The following GRM8 variants were observed in gnomAD, a reference collection of about 807,000 sequenced individuals.
GRM8 encodes the protein metabotropic glutamate receptor 8.
GRM8 carries 47 observed loss-of-function variants against 87.2 expected under a neutral mutation model. The ratio of observed to expected loss-of-function variants is 0.54; its 90% CI spans 0.43 to 0.69. The LOEUF is 0.69. Ranked by LOEUF, GRM8 falls within the 30% of genes least tolerant of loss-of-function variation. The pLI, the probability that GRM8 is intolerant of heterozygous loss-of-function variation, is 0.00. For synonymous variants in GRM8, 396 were observed against 404.5 expected, an observed-to-expected ratio of 0.98 and a Z score of 0.25; for missense variants, 1,019 against 1,139.2, an observed-to-expected ratio of 0.89 and a Z score of 1.52.
At chr7:127,100,685 T>A (rs1287688417) in intron 3 of GRM8, among the ~76,000 whole-genome samples, 1 of 152,142 alleles carries the variant, frequency 6.6e-6, no homozygotes, top group Non-Finnish European at 1.5e-5. Context: ...TATTAAACCA[T>A]CAGACCTCAT....
chr7:126,467,753 A>G (rs1804674933), intron 9 of GRM8, among the ~76,000 whole-genome samples: 1 of 152,064 alleles, frequency 6.6e-6, no homozygotes, highest in Non-Finnish European at 1.5e-5. Context: ...TGTATTCTGA[A>G]AACAAAATCA....
At chr7:126,739,373 A>C (rs1474609656) in intron 7 of GRM8, among the ~76,000 whole-genome samples, 3 of 151,880 alleles carry the variant, frequency 2.0e-5, no homozygotes, top group Admixed American at 2.0e-4. Context: ...AATCACCTTG[A>C]GATTCCATCC....
At chr7:126,580,454 T>A (rs892974926) in intron 8 of GRM8, among the ~76,000 whole-genome samples, 4 of 152,128 alleles carry the variant, frequency 2.6e-5, no homozygotes, top group Admixed American at 6.6e-5. Flanking sequence ...AAGGCTTTCT[T>A]CTTTTTCCTA....
intron 3 of GRM8, among the ~76,000 whole-genome samples, chr7:127,097,131 G>T (rs532115712): frequency 6.6e-6 from 1 of 152,230 alleles, no homozygotes; most frequent in Non-Finnish European, 1.5e-5. Flanking sequence ...AAGATTGACA[G>T]AGAAATCAGC....
chr7:127,015,000 G>GA (rs760439568), intron 3 of GRM8, among the ~76,000 whole-genome samples: 3 of 81,788 alleles, frequency 3.7e-5, no homozygotes, highest in African/African-American at 5.0e-5. Flanking sequence ...AGAAGAAGAA[G>GA]AAAGAAGAAG....
intron 7 of GRM8, among the ~76,000 whole-genome samples, chr7:126,704,905 C>T (rs1810333910): frequency 6.6e-6 from 1 of 152,102 alleles, no homozygotes; most frequent in Non-Finnish European, 1.5e-5. Flanking sequence ...CCTCCATTTG[C>T]CTTGTGATAG....
chr7:127,122,947 T>C (rs1216325690), intron 2 of GRM8, among the ~76,000 whole-genome samples: 1 of 151,972 alleles, frequency 6.6e-6, no homozygotes, highest in Non-Finnish European at 1.5e-5. Flanking sequence ...GAGAAGGCAG[T>C]GTGGCTTGAG....
At chr7:126,729,383 G>A (rs1038119994) in intron 7 of GRM8, among the ~76,000 whole-genome samples, 1 of 152,196 alleles carries the variant, frequency 6.6e-6, no homozygotes, top group African/African-American at 2.4e-5. Context: ...ACTATGGTGA[G>A]GGGGAAGATA....
chr7:126,976,199 TATTGA>T (rs1297450423), intron 3 of GRM8, among the ~76,000 whole-genome samples: 1 of 152,210 alleles, frequency 6.6e-6, no homozygotes, highest in Non-Finnish European at 1.5e-5. Context: ...TCCTGGTCCA[TATTGA>T]ATTCCTTTCT....
intron 9 of GRM8, among the ~76,000 whole-genome samples, chr7:126,450,455 C>T (rs13247338): frequency 0.12 from 17,647 of 151,840 alleles, 1,235 homozygotes; most frequent in Admixed American, 0.16. Context: ...CTTTGCATAC[C>T]GTTTGACCAG....
At chr7:126,717,077 A>G (rs1465131976) in intron 7 of GRM8, among the ~76,000 whole-genome samples, 1 of 152,222 alleles carries the variant, frequency 6.6e-6, no homozygotes, top group Non-Finnish European at 1.5e-5. Context: ...GCAGATTATG[A>G]AAATGACTTG....
intron 9 of GRM8, among the ~76,000 whole-genome samples, chr7:126,496,867 TC>T (rs1182449174): frequency 1.3e-5 from 2 of 151,370 alleles, no homozygotes; most frequent in African/African-American, 4.9e-5. Flanking sequence ...TTTCCTAATC[TC>T]CCCCCCACAG....
intron 6 of GRM8, among the ~76,000 whole-genome samples, chr7:126,807,714 C>T (rs572738173): frequency 1.2e-4 from 18 of 152,220 alleles, no homozygotes; most frequent in Non-Finnish European, 2.5e-4. Flanking sequence ...AAGACCCATC[C>T]GTCCTAGTCC....
chr7:126,448,674 C>A (rs1302444382), intron 9 of GRM8, among the ~76,000 whole-genome samples: 2 of 151,870 alleles, frequency 1.3e-5, no homozygotes, highest in Non-Finnish European at 2.9e-5. Context: ...CAAATTATAC[C>A]AAAATGCTGA....
At chr7:127,230,258 C>T (rs1187700989) in intron 2 of GRM8, among the ~76,000 whole-genome samples, 1 of 152,098 alleles carries the variant, frequency 6.6e-6, no homozygotes, top group Non-Finnish European at 1.5e-5. Flanking sequence ...GTTGGGAACA[C>T]AGCACTCCAA....
At chr7:126,819,934 A>C in intron 6 of GRM8, among the ~76,000 whole-genome samples, 1 of 152,192 alleles carries the variant, frequency 6.6e-6, no homozygotes. Context: ...CAATGATGGA[A>C]AAATTTTATA....
chr7:126,590,392 A>G (rs946213590), intron 8 of GRM8, among the ~76,000 whole-genome samples: 1 of 152,000 alleles, frequency 6.6e-6, no homozygotes, highest in Non-Finnish European at 1.5e-5. Context: ...ATGTTAAATG[A>G]CCAAACCTAA....
intron 2 of GRM8, among the ~76,000 whole-genome samples, chr7:127,179,021 C>T (rs907939196): frequency 2.0e-5 from 3 of 152,126 alleles, no homozygotes; most frequent in Non-Finnish European, 4.4e-5. Context: ...ATCAATACTA[C>T]ATTGAATGTA....
At chr7:127,168,191 C>A (rs897203858) in intron 2 of GRM8, among the ~76,000 whole-genome samples, 1 of 152,134 alleles carries the variant, frequency 6.6e-6, no homozygotes, top group Admixed American at 6.5e-5. Flanking sequence ...AAAAAGTGGG[C>A]AAAGGATATG....
Sources: gnomAD v4.1 joint callset for allele counts (sites outside exome capture counted in the v4.1 genomes callset) on GRCh38, gnomAD v4.1.1 for gene constraint, MANE v1.5 for transcripts, NCBI Gene and HGNC (gene_info 2026-07-23, HGNC 2026-07-21) for gene names.